Variants in GLUD1 observed in about 807,000 individuals in gnomAD.
The protein encoded by GLUD1 is glutamate dehydrogenase 1, mitochondrial.
Under a neutral mutation model 56.0 loss-of-function variants are expected in GLUD1, and 22 were observed. The ratio of observed to expected loss-of-function variants is 0.39; its 90% CI spans 0.28 to 0.56. The LOEUF (loss-of-function observed/expected upper bound fraction) is 0.56. Ranked by LOEUF, GLUD1 falls within the 20% of genes least tolerant of loss-of-function variation. GLUD1 has a pLI of 0.58. For synonymous variants in GLUD1, 223 were observed against 269.9 expected (o/e 0.83, Z 1.70); for missense variants, 451 against 732.0 (o/e 0.62, Z 4.43).
chr10:87,061,331 T>C (rs996952090), intron 6 of GLUD1: 3 of 534,568 alleles, frequency 5.6e-6, no homozygotes, highest in Admixed American at 4.6e-5. Context: ...AGATCAGCCA[T>C]GGCCAACATG....
intron 5 of GLUD1, among the ~76,000 whole-genome samples, chr10:87,066,804 T>G (rs1277978845): frequency 6.6e-6 from 1 of 152,264 alleles, no homozygotes; most frequent in Non-Finnish European, 1.5e-5. Context: ...ATTTTTTGAC[T>G]CTGTTTCTCT....
chr10:87,068,205 T>C, intron 4 of GLUD1, 48 bp from the exon 5 acceptor site: 1 of 1,161,016 alleles, frequency 8.6e-7, no homozygotes, highest in Non-Finnish European at 1.3e-6. Flanking sequence ...TAAGAAAAAT[T>C]CTTCTCGAAC....
chr10:87,067,723 T>C (rs991132851), intron 5 of GLUD1: 3 of 308,080 alleles, frequency 9.7e-6, no homozygotes, highest in Non-Finnish European at 1.9e-5. Flanking sequence ...ATTATTTCCA[T>C]ACCTTATCTG....
At chr10:87,074,182 G>GT (rs1471480058) in intron 4 of GLUD1, among the ~76,000 whole-genome samples, 1 of 152,090 alleles carries the variant, frequency 6.6e-6, no homozygotes, top group Non-Finnish European at 1.5e-5. Context: ...CAGAAATGTT[G>GT]TATGTTTGGC....
chr10:87,075,122 T>C (rs1030597783), intron 3 of GLUD1, among the ~76,000 whole-genome samples: 5 of 152,182 alleles, frequency 3.3e-5, no homozygotes, highest in African/African-American at 1.2e-4. Flanking sequence ...TTTTTTCTTT[T>C]TGAGACAGAG....
intron 10 of GLUD1, 114 bp from the exon 11 acceptor site, chr10:87,057,896 T>G: frequency 1.5e-6 from 1 of 673,048 alleles, no homozygotes; most frequent in South Asian, 1.6e-5. Context: ...ACAGACAGAG[T>G]CGTGGTCTGT....
rs565539469 is a variant in GLUD1 at position 87,053,732 on chromosome 10, G to A, written c.1495-328C>T. 2.6e-5 allele frequency among the ~76,000 whole-genome samples: 4 copies of A among 152,288 alleles called. No individual in the cohort carries two copies. The East Asian group carries it at 5.8e-4, about 22-fold the overall frequency. ...ATGAGCACCCTCCACTCATGGAGAC[G>A]CAGATGCACTGAGCAATGTGTTACA... On this transcript the variant is annotated intron_variant, in intron 11 of 12. Coordinates refer to ENST00000277865, the MANE Select transcript of GLUD1 (RefSeq NM_005271.5).
chr10:87,060,443 G>A (rs999717283), intron 8 of GLUD1: 14 of 656,652 alleles, frequency 2.1e-5, no homozygotes, highest in African/African-American at 1.3e-4. Flanking sequence ...TTTTTTGTTT[G>A]CTTGTTTTTT....
chr10:87,057,463 G>A (rs1018370498), intron 11 of GLUD1, among the ~76,000 whole-genome samples: 2 of 152,128 alleles, frequency 1.3e-5, no homozygotes, highest in Non-Finnish European at 2.9e-5. Context: ...AAACACGTGC[G>A]TGAAAAATAC....
At chr10:87,067,776 GA>G in intron 5 of GLUD1, 1 of 385,378 alleles carries the variant, frequency 2.6e-6, no homozygotes, top group Non-Finnish European at 4.9e-6. Context: ...CCCTCTGAGG[GA>G]AAAATCAGAA....
chr10:87,077,608 C>T (rs1454902562), intron 1 of GLUD1, among the ~76,000 whole-genome samples: 1 of 150,650 alleles, frequency 6.6e-6, no homozygotes, highest in African/African-American at 2.4e-5. Flanking sequence ...ACAGGGTATA[C>T]TGGAAGTGGG....
intron 4 of GLUD1, among the ~76,000 whole-genome samples, chr10:87,074,257 T>A (rs1480006162): frequency 1.3e-5 from 2 of 152,100 alleles, no homozygotes; most frequent in African/African-American, 4.8e-5. Flanking sequence ...TACCAGCAGT[T>A]TGGGAGTCCG....
intron 1 of GLUD1, among the ~76,000 whole-genome samples, chr10:87,087,800 G>A (rs772438847): frequency 8.5e-5 from 13 of 152,170 alleles, no homozygotes; most frequent in Non-Finnish European, 1.3e-4. Context: ...CTGTCTGTCT[G>A]CCAGGCACGG....
chr10:87,051,814 G>C lies in GLUD1; in HGVS notation c.1614C>G (p.Ala538=). The change falls in exon 13 of 13, where the codon GCC becomes GCG. Residue 538 remains alanine, a synonymous_variant. Coordinates refer to ENST00000277865, the MANE Select transcript of GLUD1 (RefSeq NM_005271.5). ...YNLGLDLRTA[A]YVNAIEKVFK... is the part of the protein sequence containing the mutation. ...AGACTTTCTCAATGGCATTAACATA[G>C]GCAGCTGTTCTCAGGTCCAATCCCA... 1 of 1,613,676 alleles carries C rather than the reference G, an allele frequency of 6.2e-7. No homozygotes were observed. The highest frequency in any genetic ancestry group is 2.2e-5 in the East Asian group (1 of 44,896).
intron 12 of GLUD1, among the ~76,000 whole-genome samples, chr10:87,052,668 TCAAAAA>T (rs1364024488): frequency 1.2e-4 from 2 of 16,538 alleles, no homozygotes; most frequent in African/African-American, 2.6e-4. Context: ...AAACTCCGTC[TCAAAAA>T]AAAAAAAAAA....
intron 11 of GLUD1, among the ~76,000 whole-genome samples, chr10:87,055,035 A>AGAG (rs1845730069): frequency 6.6e-6 from 1 of 152,212 alleles, no homozygotes; most frequent in Non-Finnish European, 1.5e-5. Flanking sequence ...AGAAAATGTG[A>AGAG]TGTAATCACT....
In GLUD1 at chr10:87,094,070, T is replaced by A; in HGVS notation, c.445+255A>T. ...AGACCGGTGCAGCGTCTACTCTGCA[T>A]GCAAGATCAGCATATACAGAGGCCC... On this transcript the variant is annotated intron_variant, in intron 1 of 12. Transcript: ENST00000277865. This position sits in a 1 kb window ranked among gnomAD's most constrained non-coding sequence, Gnocchi z 6.6. 4.0e-6 allele frequency: 6 copies of A among 1,516,760 alleles called. No individual in the cohort carries two copies. The South Asian group carries it at 6.0e-5, about 15-fold the overall frequency. 94.0% of individuals were successfully genotyped at this position (1,516,760 alleles called of 1,614,324 possible).
At position 87,076,646 on chromosome 10, in the gene GLUD1, G is replaced by A. The variant is rs1846403678; in HGVS notation, c.456C>T (p.Tyr152=). The change falls in exon 2 of 13, where the codon TAC becomes TAT. Residue 152 remains tyrosine, a synonymous_variant. Transcript: ENST00000277865. ...CTTCATCTACACTCACATCAGTGCT[G>A]TAACGGATACCTGGTGGTGTTTTTA... ...HRTPCKGGIR[Y]STDVSVDEVK... 5 of 1,597,336 alleles carry A rather than the reference G, an allele frequency of 3.1e-6. No homozygotes were observed. The highest frequency in any genetic ancestry group is 4.3e-6 in the Non-Finnish European group (5 of 1,164,680).
intron 6 of GLUD1, among the ~76,000 whole-genome samples, chr10:87,061,611 G>C (rs1004657167): frequency 6.6e-6 from 1 of 151,668 alleles, no homozygotes; most frequent in South Asian, 2.1e-4. Context: ...CTAATTTGGA[G>C]AAATACAATT....
Sources: allele counts gnomAD v4.1 joint callset (sites outside exome capture counted in the v4.1 genomes callset), GRCh38; gene constraint gnomAD v4.1.1; non-coding constraint Gnocchi (gnomAD v3.1); transcripts MANE v1.5; gene names NCBI Gene and HGNC (gene_info 2026-07-23, HGNC 2026-07-21).